IL19: variants seen among roughly 807,000 people sequenced by gnomAD.
The protein encoded by IL19 is interleukin 19.
A neutral mutation model predicts 19.5 loss-of-function variants in IL19; 15 were observed. The ratio of observed to expected loss-of-function variants is 0.77; its 90% confidence interval spans 0.52 to 1.19. IL19 has a LOEUF of 1.19. IL19 is among the 50% of genes most tolerant of loss of function. The pLI is 0.00. For synonymous variants in IL19, 78 were observed against 78.3 expected, an observed-to-expected ratio of 1.00 and a Z score of 0.02; for missense variants, 199 against 213.1, an observed-to-expected ratio of 0.93 and a Z score of 0.41.
intron 2 of IL19, among the ~76,000 whole-genome samples, chr1:206,813,996 C>T (rs1413441054): frequency 6.6e-6 from 1 of 152,122 alleles, no homozygotes; most frequent in East Asian, 1.9e-4. Context: ...GCTTGCTAGC[C>T]CCCATGGTTG....
chr1:206,776,818 C>T (rs1281769125), intron 1 of IL19, among the ~76,000 whole-genome samples: 1 of 150,292 alleles, frequency 6.7e-6, no homozygotes, highest in Non-Finnish European at 1.5e-5. Flanking sequence ...GGGACATAAA[C>T]CCGGGCATCC....
intron 5 of IL19, 25 bp from the exon 6 acceptor site, chr1:206,840,979 A>G (rs1351569751): frequency 6.2e-7 from 1 of 1,604,358 alleles, no homozygotes; most frequent in Non-Finnish European, 8.5e-7. Flanking sequence ...GTCCTCTGAT[A>G]GGAGCTTCCT....
chr1:206,839,211 A>G (rs1676913912), intron 4 of IL19, among the ~76,000 whole-genome samples: 1 of 152,224 alleles, frequency 6.6e-6, no homozygotes, highest in African/African-American at 2.4e-5. Flanking sequence ...ACCTACCCAA[A>G]TATGCCCATT....
intron 1 of IL19, among the ~76,000 whole-genome samples, chr1:206,777,795 A>C (rs1675045657): frequency 6.6e-6 from 1 of 152,220 alleles, no homozygotes; most frequent in Non-Finnish European, 1.5e-5. Flanking sequence ...CGGGAGTTTC[A>C]TTTCTTCTTA....
intron 1 of IL19, among the ~76,000 whole-genome samples, chr1:206,780,260 C>T (rs575245819): frequency 6.6e-6 from 1 of 152,288 alleles, no homozygotes; most frequent in Admixed American, 6.5e-5. Context: ...GTGACCACTT[C>T]GAGGGCAGGG....
intron 1 of IL19, among the ~76,000 whole-genome samples, chr1:206,789,906 C>A (rs185679844): frequency 8.5e-5 from 13 of 152,298 alleles, no homozygotes; most frequent in Admixed American, 5.2e-4. Flanking sequence ...AGGATATGAT[C>A]TCATTCTTTT....
At chr1:206,801,834 A>G (rs1411308400) in intron 2 of IL19, among the ~76,000 whole-genome samples, 2 of 152,238 alleles carry the variant, frequency 1.3e-5, no homozygotes, top group African/African-American at 4.8e-5. Flanking sequence ...GACACATCAC[A>G]GACTCACAAT....
chr1:206,801,963 G>C (rs560527972), intron 2 of IL19, among the ~76,000 whole-genome samples: 1 of 152,296 alleles, frequency 6.6e-6, no homozygotes, highest in South Asian at 2.1e-4. Flanking sequence ...AGGGACATTT[G>C]GGTGGAAGAA....
intron 1 of IL19, among the ~76,000 whole-genome samples, chr1:206,779,856 C>CTCTT (rs542458870): frequency 1.4e-5 from 2 of 145,534 alleles, no homozygotes; most frequent in Non-Finnish European, 3.0e-5. Flanking sequence ...CTCTCTCTCT[C>CTCTT]TTTTTTTTTT....
rs1223027884 is a variant in IL19, at chr1:206,841,012, G to A, written c.372G>A (p.Gln124=). 6.2e-7 allele frequency: 1 copy of A among 1,613,764 alleles called. No individual in the cohort carries two copies. Among genetic ancestry groups the A allele is most frequent in the Non-Finnish European group, 8.5e-7 (1 of 1,179,654 alleles). ...MQKTLRQCQE[Q]RQCHCRQEAT... is the part of the protein sequence containing the mutation. ...CCTCCACTTTATCACAGCAGGAACA[G>A]AGGCAGTGTCACTGCAGGCAGGAAG... The change falls in exon 6 of 7, where the codon CAG becomes CAA. Residue 124 remains glutamine, a synonymous_variant. Transcript: ENST00000659997.
intron 1 of IL19, among the ~76,000 whole-genome samples, chr1:206,787,363 G>T (rs2102452230): frequency 6.6e-6 from 1 of 152,338 alleles, no homozygotes; most frequent in Admixed American, 6.5e-5. Flanking sequence ...GTCTTTGCCT[G>T]CATGGATGCA....
intron 2 of IL19, among the ~76,000 whole-genome samples, chr1:206,804,214 C>A (rs1675788874): frequency 6.6e-6 from 1 of 152,292 alleles, no homozygotes; most frequent in African/African-American, 2.4e-5. Flanking sequence ...CAGATGACAA[C>A]TGCAGAATGT....
chr1:206,842,785 A>C lies in IL19; in HGVS notation c.*163A>C. 1 of 547,168 alleles carries C rather than the reference A, an allele frequency of 1.8e-6. No individual in the cohort carries two copies. 33.9% of individuals were successfully genotyped at this position (547,168 alleles called of 1,614,324 possible). A position where few individuals can be genotyped will look rare whatever the true frequency, so the allele number is the denominator to read the frequency against. The stretch of plus-strand genomic sequence containing the variant: ...CTTATTCCGCTTGAAAATAGCCAAA[A>C]AGTCTACTGTGGTATTTGTAATAAA... On this transcript the variant is annotated 3_prime_UTR_variant, in exon 7 of 7. Transcript: ENST00000659997.
chr1:206,808,325 A>G (rs1193913500), intron 2 of IL19, among the ~76,000 whole-genome samples: 1 of 152,194 alleles, frequency 6.6e-6, no homozygotes, highest in African/African-American at 2.4e-5. Context: ...GCGAGACTCC[A>G]TCTAAACAAA....
At chr1:206,820,116 A>T (rs1410885850) in intron 2 of IL19, among the ~76,000 whole-genome samples, 2 of 152,208 alleles carry the variant, frequency 1.3e-5, no homozygotes, top group African/African-American at 2.4e-5. Context: ...AAAATATTTT[A>T]GGATCCTCAT....
In IL19 at chr1:206,842,707, A is replaced by AGAT; in HGVS notation, c.*87_*89dup. The AGAT allele has an allele frequency of 1.3e-6, 1 of 793,144 alleles. No individual in the cohort carries two copies. The highest frequency in any genetic ancestry group is 2.1e-6 in the Non-Finnish European group (1 of 483,708). The allele number at this position is 793,144 out of a possible 1,614,324, so 49.1% of individuals were successfully genotyped here. ...AGACAGCCCACCTTGAAGGGGAAGG[A>AGAT]GATGGGGAAGGCCCCTTGCAGCTGA... On this transcript the variant is annotated 3_prime_UTR_variant, in exon 7 of 7. Transcript: ENST00000659997.
chr1:206,815,107 C>T (rs148754970), intron 2 of IL19, among the ~76,000 whole-genome samples: 18 of 152,316 alleles, frequency 1.2e-4, no homozygotes, highest in African/African-American at 4.3e-4. Flanking sequence ...ATGGCTGAGG[C>T]TGGCTCTCTG....
intron 2 of IL19, among the ~76,000 whole-genome samples, chr1:206,807,085 G>C (rs541990177): frequency 1.3e-5 from 2 of 152,294 alleles, no homozygotes; most frequent in East Asian, 3.9e-4. Flanking sequence ...ATGGTGGCAG[G>C]AAGAAGTGCT....
chr1:206,775,699 T>C (rs1174413561), intron 1 of IL19, among the ~76,000 whole-genome samples: 7 of 152,214 alleles, frequency 4.6e-5, no homozygotes, highest in Non-Finnish European at 1.5e-5. Context: ...ATCTGAAAAG[T>C]CACTGGGGTC....
Sources: allele counts gnomAD v4.1 joint callset (sites outside exome capture counted in the v4.1 genomes callset), GRCh38; gene constraint gnomAD v4.1.1; transcripts MANE v1.5; gene names NCBI Gene and HGNC (gene_info 2026-07-23, HGNC 2026-07-21).